MTCL1: variants seen among roughly 807,000 people sequenced by gnomAD.
MTCL1 encodes microtubule crosslinking factor 1.
MTCL1 carries 79 observed loss-of-function variants against 141.4 expected under a neutral mutation model. That is an observed-to-expected ratio of 0.56 (90% CI 0.47 to 0.67). The LOEUF (loss-of-function observed/expected upper bound fraction) is 0.67, where lower values mean the gene tolerates loss of function less well. Ranked by LOEUF, MTCL1 falls within the 30% of genes least tolerant of loss-of-function variation. The pLI is 0.00. For synonymous variants in MTCL1, 914 were observed against 875.8 expected, an observed-to-expected ratio of 1.04 and a Z score of -0.77; for missense variants, 2,177 against 2,113.9, an observed-to-expected ratio of 1.03 and a Z score of -0.59.
At chr18:8,783,714 G>A (rs1397905419) in exon 6 of MTCL1, 1 of 1,606,986 alleles carries the variant, frequency 6.2e-7, no homozygotes, top group African/African-American at 1.3e-5. Context: ...GGGCCCCCCA[G>A]CACCCGGGAG....
intron 7 of MTCL1, 106 bp from the exon 7 acceptor site, chr18:8,792,892 T>G (rs1347835355): frequency 6.8e-7 from 1 of 1,463,884 alleles, no homozygotes; most frequent in Non-Finnish European, 9.3e-7. Flanking sequence ...ACACATGCTG[T>G]GTCGCTCCGT....
At chr18:8,829,861 A>AG (rs1246943567) in intron 16 of MTCL1, 44 of 985,280 alleles carry the variant, frequency 4.5e-5, no homozygotes, top group Admixed American at 1.2e-4. Flanking sequence ...TGTGTTACTA[A>AG]GGAAAAGGTT....
exon 10 of MTCL1, chr18:8,798,276 A>T: frequency 1.3e-6 from 2 of 1,552,576 alleles, no homozygotes; most frequent in Non-Finnish European, 1.7e-6. Context: ...CGGACAGGGG[A>T]CAGCCCCACA....
chr18:8,783,650 T>C, exon 6 of MTCL1: 1 of 1,613,182 alleles, frequency 6.2e-7, no homozygotes. Context: ...GCTCCAGAAG[T>C]ACAAGTCCCT....
At chr18:8,796,142 C>A in intron 8 of MTCL1, 90 bp from the exon 8 acceptor site, 2 of 1,273,924 alleles carry the variant, frequency 1.6e-6, no homozygotes, top group Admixed American at 1.7e-5. Flanking sequence ...ATGACAGAGA[C>A]TGAGTGGCAG....
At chr18:8,743,783 A>G (rs2096318665) in intron 4 of MTCL1, among the ~76,000 whole-genome samples, 1 of 152,208 alleles carries the variant, frequency 6.6e-6, no homozygotes, top group African/African-American at 2.4e-5. Flanking sequence ...CCCTATTTCA[A>G]GGTCAGCTGA....
rs543856444 is a variant in MTCL1 at position 8,800,008 on chromosome 18, C to A, written c.2436+1717C>A. ...CGTGGCGGGGTGGGGTCCAGACACT[C>A]AGACCCAGGTCTGCCAAGTGGGCCA... On this transcript the variant is annotated intron_variant, in intron 10 of 16. Coordinates refer to ENST00000359865, the Ensembl canonical transcript of MTCL1. 9.2e-5 allele frequency among the ~76,000 whole-genome samples: 14 copies of A among 152,360 alleles called. No individual in the cohort carries two copies. In the South Asian group the frequency reaches 2.7e-3, roughly 29 times the overall value.
chr18:8,806,175 G>A (rs1044405748), intron 10 of MTCL1, among the ~76,000 whole-genome samples: 1 of 151,994 alleles, frequency 6.6e-6, no homozygotes, highest in Non-Finnish European at 1.5e-5. Context: ...CTATCTCAAG[G>A]GACCACAATA....
chr18:8,706,387 C>T, exon 1 of MTCL1: 1 of 1,229,408 alleles, frequency 8.1e-7, no homozygotes, highest in Non-Finnish European at 1.0e-6. Flanking sequence ...CTCCAGCGAC[C>T]GTGAACCCCC....
exon 9 of MTCL1, chr18:8,796,423 A>G (rs1379788785): frequency 6.2e-7 from 1 of 1,614,092 alleles, no homozygotes; most frequent in Non-Finnish European, 8.5e-7. Flanking sequence ...ACTGGCGGCA[A>G]GGGAAGCAGA....
At chr18:8,825,945 C>T in exon 15 of MTCL1, 1 of 1,601,954 alleles carries the variant, frequency 6.2e-7, no homozygotes, top group African/African-American at 1.3e-5. Flanking sequence ...CCGACCAGAG[C>T]TGGGCCCAGG....
intron 4 of MTCL1, among the ~76,000 whole-genome samples, chr18:8,750,676 G>A (rs566780331): frequency 1.7e-4 from 26 of 152,272 alleles, no homozygotes; most frequent in African/African-American, 5.8e-4. Flanking sequence ...GCCCTGCAAC[G>A]GTCTTGAGAA....
At chr18:8,785,429 C>T (rs1276739616) in intron 6 of MTCL1, among the ~76,000 whole-genome samples, 1 of 152,214 alleles carries the variant, frequency 6.6e-6, no homozygotes, top group African/African-American at 2.4e-5. Flanking sequence ...GCTCTGCTGG[C>T]TCCTGCCGCC....
intron 4 of MTCL1, among the ~76,000 whole-genome samples, chr18:8,770,551 C>A (rs929004252): frequency 1.3e-4 from 20 of 152,196 alleles, no homozygotes; most frequent in Admixed American, 9.2e-4. Context: ...GGGGTTCCAC[C>A]TTCATGACCT....
At chr18:8,753,942 A>G (rs938949067) in intron 4 of MTCL1, among the ~76,000 whole-genome samples, 2 of 152,236 alleles carry the variant, frequency 1.3e-5, no homozygotes, top group Non-Finnish European at 2.9e-5. Flanking sequence ...GGACCATTTC[A>G]TACCATTTGG....
intron 4 of MTCL1, among the ~76,000 whole-genome samples, chr18:8,744,373 T>C (rs1435397653): frequency 2.0e-5 from 3 of 152,242 alleles, no homozygotes. Flanking sequence ...ATCGGTGTTA[T>C]CAAACCTTTT....
chr18:8,729,271 G>T (rs971680285), intron 4 of MTCL1, among the ~76,000 whole-genome samples: 14 of 149,704 alleles, frequency 9.4e-5, no homozygotes, highest in Admixed American at 5.4e-4. Flanking sequence ...GCTCAGTCTG[G>T]TCTCAAACTC....
At chr18:8,812,255 A>AGT (rs1282349288) in intron 11 of MTCL1, among the ~76,000 whole-genome samples, 2 of 152,170 alleles carry the variant, frequency 1.3e-5, no homozygotes, top group African/African-American at 2.4e-5. Flanking sequence ...CATTTCCTGA[A>AGT]GTACAGGTCT....
intron 1 of MTCL1, among the ~76,000 whole-genome samples, chr18:8,710,833 CTTTCTTTT>C (rs1448111309): frequency 1.3e-4 from 5 of 37,350 alleles, no homozygotes; most frequent in South Asian, 7.3e-4. Context: ...GTATGGAAGG[CTTTCTTTT>C]TTTTTTTTTT....
Sources: gnomAD v4.1 joint callset for allele counts (sites outside exome capture counted in the v4.1 genomes callset) on GRCh38, gnomAD v4.1.1 for gene constraint, MANE v1.5 for transcripts, NCBI Gene and HGNC (gene_info 2026-07-23, HGNC 2026-07-21) for gene names.